The following EZR variants were observed in gnomAD, a reference collection of about 807,000 sequenced individuals.
EZR encodes the protein cytovillin 2.
EZR carries 40 observed loss-of-function variants against 74.8 expected under a neutral mutation model. That is an observed-to-expected ratio of 0.53 (90% CI 0.42 to 0.70). EZR has a LOEUF of 0.70. Ranked by LOEUF, EZR falls within the 30% of genes least tolerant of loss-of-function variation. The pLI, the probability that EZR is intolerant of heterozygous loss-of-function variation, is 0.00. For synonymous variants in EZR, 341 were observed against 283.3 expected (o/e 1.20, Z -2.05); for missense variants, 678 against 755.8 (o/e 0.90, Z 1.21).
At position 158,785,419 on chromosome 6, in the gene EZR, A is replaced by AG. The variant is rs923993817; in HGVS notation, c.356dup (p.Glu120Ter). On this transcript the variant is annotated frameshift_variant, in exon 5 of 14. Transcript: ENST00000367075. LOFTEE classifies it high-confidence loss of function. ...AGGACCCCAAGAGCACGGCAGTCTC[A>AG]GGGGGGCAGTAGATCTCATCGCTAA... 23 of 1,614,048 alleles carry AG rather than the reference A, an allele frequency of 1.4e-5. No individual in the cohort carries two copies. The highest frequency in any genetic ancestry group is 1.0e-4 in the Admixed American group (6 of 60,010).
rs1440698419 is a variant in EZR, at chr6:158,785,536, G to C, written c.240C>G (p.Phe80Leu). 1 of 1,614,146 alleles carries C rather than the reference G, an allele frequency of 6.2e-7. No homozygotes were observed. Among genetic ancestry groups the C allele is most frequent in the South Asian group, 1.1e-5 (1 of 91,078 alleles). The change falls in exon 5 of 14, where the codon TTC becomes TTG. Residue 80 changes from phenylalanine to leucine, a missense_variant. Coordinates refer to ENST00000367075, the MANE Select transcript of EZR (RefSeq NM_001111077.2). ...VRKENPLQFK[F>L]RAKFYPEDVA... ...CATCTTCAGGGTAGAACTTGGCCCG[G>C]AACTTGAACTGGAGGGGATTCTCCT...
chr6:158,818,436 T>G (rs1777613381), intron 1 of EZR, among the ~76,000 whole-genome samples: 1 of 133,904 alleles, frequency 7.5e-6, no homozygotes. Flanking sequence ...CAGTTGGGGG[T>G]GGGTCCGAGG....
At chr6:158,789,804 G>C (rs1350999152) in intron 2 of EZR, among the ~76,000 whole-genome samples, 1 of 152,210 alleles carries the variant, frequency 6.6e-6, no homozygotes, top group African/African-American at 2.4e-5. Flanking sequence ...ACTTTTTGTA[G>C]AGACGGGGTC....
chr6:158,774,714 C>T (rs1791221036), intron 8 of EZR, among the ~76,000 whole-genome samples: 1 of 144,594 alleles, frequency 6.9e-6, no homozygotes, highest in African/African-American at 2.6e-5. Flanking sequence ...CACACACACA[C>T]GCACAAACAT....
At chr6:158,770,522 C>T (rs2128565714) in intron 10 of EZR, among the ~76,000 whole-genome samples, 1 of 152,322 alleles carries the variant, frequency 6.6e-6, no homozygotes, top group East Asian at 1.9e-4. Context: ...GGTGATTGAG[C>T]ACTTACCGCA....
At chr6:158,784,407 G>T (rs1013649884) in intron 6 of EZR, among the ~76,000 whole-genome samples, 3 of 152,168 alleles carry the variant, frequency 2.0e-5, no homozygotes, top group African/African-American at 7.2e-5. Context: ...CAAAGGGAGG[G>T]TGTAAGCTTT....
chr6:158,817,749 T>A (rs900881835), intron 2 of EZR, among the ~76,000 whole-genome samples: 3 of 152,196 alleles, frequency 2.0e-5, no homozygotes, highest in African/African-American at 7.2e-5. Context: ...TTGGACTTTT[T>A]AAGAAACTTC....
At chr6:158,801,202 C>G (rs1458444195) in intron 2 of EZR, among the ~76,000 whole-genome samples, 2 of 152,190 alleles carry the variant, frequency 1.3e-5, no homozygotes, top group African/African-American at 4.8e-5. Flanking sequence ...GTAGCCTCCA[C>G]CTCCCGGGTT....
At chr6:158,817,462 C>T (rs561492107) in intron 2 of EZR, among the ~76,000 whole-genome samples, 2 of 152,348 alleles carry the variant, frequency 1.3e-5, no homozygotes, top group East Asian at 3.9e-4. Context: ...TCTTATCAAA[C>T]TCCACCGGCT....
intron 12 of EZR, among the ~76,000 whole-genome samples, chr6:158,767,756 T>C (rs920994622): frequency 1.3e-5 from 2 of 152,140 alleles, no homozygotes. Context: ...TTTCTTTTTT[T>C]ACCTGTAACT....
At chr6:158,801,084 A>G (rs1777177413) in intron 2 of EZR, among the ~76,000 whole-genome samples, 1 of 152,206 alleles carries the variant, frequency 6.6e-6, no homozygotes, top group African/African-American at 2.4e-5. Flanking sequence ...GCAGTGAGCC[A>G]TGCTTGCGCC....
chr6:158,774,672 AACACACACACACACACACACACAC>A (rs56400693), intron 8 of EZR, among the ~76,000 whole-genome samples: 10 of 142,514 alleles, frequency 7.0e-5, no homozygotes, highest in African/African-American at 2.6e-4. Flanking sequence ...CTTATCATCA[AACACACACACACACACACACACAC>A]ACACACACAC....
chr6:158,814,606 C>T (rs563598689), intron 2 of EZR, among the ~76,000 whole-genome samples: 239 of 148,496 alleles, frequency 1.6e-3, no homozygotes, highest in Non-Finnish European at 2.9e-3. Context: ...TGCAGTGGTG[C>T]AATCTCAGCT....
At position 158,767,524 on chromosome 6, in the gene EZR, A is replaced by G; in HGVS notation, c.1345-12T>C. 1 of 1,561,298 alleles carries G rather than the reference A, an allele frequency of 6.4e-7. No individual in the cohort carries two copies. On this transcript the variant is annotated splice_polypyrimidine_tract_variant and intron_variant, in intron 12 of 13. Transcript: ENST00000367075. Reference sequence around the variant, plus strand: ...TGGGCTTCTTTGGCCTTTGGAAAGCAAATTAATAAGAGGACTTCTCACCCA... The same window carrying G: ...TGGGCTTCTTTGGCCTTTGGAAAGCGAATTAATAAGAGGACTTCTCACCCA...
At chr6:158,808,151 C>T (rs1196398477) in intron 2 of EZR, among the ~76,000 whole-genome samples, 2 of 152,094 alleles carry the variant, frequency 1.3e-5, no homozygotes, top group South Asian at 2.1e-4. Context: ...TGTGGAGTTC[C>T]GAGCTAAGGA....
intron 10 of EZR, among the ~76,000 whole-genome samples, 175 bp downstream of exon 10, chr6:158,770,585 TTAAA>T (rs754446255): frequency 6.6e-6 from 1 of 152,198 alleles, no homozygotes; most frequent in Non-Finnish European, 1.5e-5. Flanking sequence ...AGCATCAAAG[TTAAA>T]TAAGTACAGA....
chr6:158,810,448 G>A (rs1360049894), intron 2 of EZR, among the ~76,000 whole-genome samples: 1 of 152,116 alleles, frequency 6.6e-6, no homozygotes, highest in Non-Finnish European at 1.5e-5. Context: ...CATTGTAATT[G>A]CTTACATATC....
intron 11 of EZR, 61 bp downstream of exon 11, chr6:158,769,723 T>C (rs2128564639): frequency 6.3e-7 from 1 of 1,593,630 alleles, no homozygotes; most frequent in Non-Finnish European, 8.6e-7. Flanking sequence ...GGTGTCACAT[T>C]TTCCATCCTC....
chr6:158,771,750 A>G (rs186722125), intron 8 of EZR, among the ~76,000 whole-genome samples: 19 of 152,310 alleles, frequency 1.2e-4, no homozygotes, highest in African/African-American at 4.3e-4. Context: ...AAGCTTTTCC[A>G]AGGTGAGAAC....
Sources: allele counts gnomAD v4.1 joint callset (sites outside exome capture counted in the v4.1 genomes callset), GRCh38; gene constraint gnomAD v4.1.1; transcripts MANE v1.5; gene names NCBI Gene and HGNC (gene_info 2026-07-23, HGNC 2026-07-21).